WWOX: variants seen among roughly 807,000 people sequenced by gnomAD.
The protein encoded by WWOX is WW domain-containing oxidoreductase.
A neutral mutation model predicts 46.2 loss-of-function variants in WWOX; 69 were observed. That is an observed-to-expected ratio of 1.49 (90% CI 1.23 to 1.82). The LOEUF is 1.82. WWOX is among the 40% of genes most tolerant of loss of function. The pLI is 0.00. For missense variants in WWOX, 919 were observed against 542.6 expected, an observed-to-expected ratio of 1.69 and a Z score of -6.89; for synonymous variants, 359 against 202.6, an observed-to-expected ratio of 1.77 and a Z score of -6.56.
chr16:78,289,127 C>T (rs1221864167), intron 5 of WWOX, among the ~76,000 whole-genome samples: 3 of 152,136 alleles, frequency 2.0e-5, no homozygotes, highest in South Asian at 2.1e-4. Flanking sequence ...GAACCTGGAG[C>T]GCTGGGAGGT....
intron 5 of WWOX, among the ~76,000 whole-genome samples, chr16:78,367,945 C>T (rs1002259305): frequency 7.9e-5 from 12 of 152,020 alleles, no homozygotes; most frequent in Middle Eastern, 6.8e-3. Flanking sequence ...TTAGTGGAGA[C>T]GGGATTTCAC....
rs551714506 is a variant in WWOX, at chr16:78,662,505, C to T, written c.1056+229753C>T. ...AGCACCTACCATGTAGGTGCTCATC[C>T]CGATACCACTATCAGGCCCTTTGGA... is the stretch of plus-strand genomic sequence containing the variant. On this transcript the variant is annotated intron_variant, in intron 8 of 8. Coordinates refer to ENST00000566780, the MANE Select transcript of WWOX (RefSeq NM_016373.4). Among the ~76,000 whole-genome samples, 5 of 152,206 alleles carry T rather than the reference C, an allele frequency of 3.3e-5. No individual in the cohort carries two copies. In the South Asian group the frequency reaches 6.2e-4, roughly 19 times the overall value.
intron 4 of WWOX, among the ~76,000 whole-genome samples, chr16:78,147,703 A>T (rs1242314555): frequency 9.4e-6 from 1 of 106,158 alleles, no homozygotes; most frequent in African/African-American, 3.5e-5. Context: ...TTTTAAAAAA[A>T]AAAAAGGTGC....
At chr16:78,993,760 C>T (rs2046934718) in intron 8 of WWOX, among the ~76,000 whole-genome samples, 2 of 152,204 alleles carry the variant, frequency 1.3e-5, no homozygotes, top group South Asian at 4.1e-4. Context: ...ACTCGCCAGA[C>T]TCCATGGCCT....
chr16:78,411,761 A>C (rs950119116), intron 6 of WWOX, among the ~76,000 whole-genome samples: 1 of 152,146 alleles, frequency 6.6e-6, no homozygotes, highest in African/African-American at 2.4e-5. Context: ...CAGTGACTAC[A>C]CCTAAAAGGA....
chr16:79,072,884 G>A (rs1466845987), intron 8 of WWOX, among the ~76,000 whole-genome samples: 5 of 152,044 alleles, frequency 3.3e-5, no homozygotes, highest in African/African-American at 1.2e-4. Context: ...CCTGAATTTG[G>A]GCTGAGATGA....
chr16:79,187,233 G>C (rs565801929), intron 8 of WWOX, among the ~76,000 whole-genome samples: 2 of 152,140 alleles, frequency 1.3e-5, no homozygotes, highest in African/African-American at 4.8e-5. Context: ...GTTAATATCA[G>C]CACTTATCAC....
At chr16:78,422,266 T>C (rs1234288689) in intron 6 of WWOX, among the ~76,000 whole-genome samples, 1 of 152,172 alleles carries the variant, frequency 6.6e-6, no homozygotes, top group Non-Finnish European at 1.5e-5. Context: ...AAGATTTTAA[T>C]TTCTATAAAG....
At chr16:78,416,273 A>G (rs2082795733) in intron 6 of WWOX, among the ~76,000 whole-genome samples, 1 of 152,208 alleles carries the variant, frequency 6.6e-6, no homozygotes, top group Non-Finnish European at 1.5e-5. Flanking sequence ...TTTAGTCAAA[A>G]CTGAGCGCAA....
chr16:78,560,687 G>A (rs2044414700), intron 8 of WWOX, among the ~76,000 whole-genome samples: 2 of 152,076 alleles, frequency 1.3e-5, no homozygotes, highest in African/African-American at 4.8e-5. Flanking sequence ...AATAATGTTA[G>A]TGATACATAT....
At chr16:78,921,796 C>T (rs2045385604) in intron 8 of WWOX, among the ~76,000 whole-genome samples, 1 of 152,218 alleles carries the variant, frequency 6.6e-6, no homozygotes, top group Non-Finnish European at 1.5e-5. Context: ...ATTGTCCTTA[C>T]TCTGACACCC....
Position 79,019,344 on chromosome 16 carries a change from A to G in WWOX, c.1057-192264A>G, listed in dbSNP as rs1404662678. 2.0e-5 allele frequency among the ~76,000 whole-genome samples: 3 copies of G among 152,176 alleles called. No individual in the cohort carries two copies. The East Asian group carries it at 5.8e-4, about 29-fold the overall frequency. On this transcript the variant is annotated intron_variant, in intron 8 of 8. Transcript: ENST00000566780. ...GGTGCCGTCTACTACACACACACTT[A>G]GGCTGTATGGTCTAGCCTCTTGGTC...
chr16:78,723,965 C>T (rs1321653910), intron 8 of WWOX, among the ~76,000 whole-genome samples: 8 of 152,154 alleles, frequency 5.3e-5, no homozygotes, highest in Admixed American at 4.6e-4. Context: ...CATCCATCCC[C>T]CCATGGCCTC....
intron 8 of WWOX, among the ~76,000 whole-genome samples, chr16:78,457,376 G>A (rs1384255324): frequency 2.0e-5 from 3 of 152,186 alleles, no homozygotes. Context: ...ACTAAGTACA[G>A]GTCTTTAGAT....
At chr16:78,321,434 A>T (rs1453794820) in intron 5 of WWOX, among the ~76,000 whole-genome samples, 2 of 121,634 alleles carry the variant, frequency 1.6e-5, no homozygotes, top group African/African-American at 3.2e-5. Flanking sequence ...ATATATATAT[A>T]AAAATATATT....
At chr16:79,055,647 T>C (rs1411064867) in intron 8 of WWOX, among the ~76,000 whole-genome samples, 1 of 152,224 alleles carries the variant, frequency 6.6e-6, no homozygotes, top group African/African-American at 2.4e-5. Flanking sequence ...TAAAGGTGTA[T>C]GTTTGGGGTT....
chr16:78,622,188 C>T (rs1242982064), intron 8 of WWOX, among the ~76,000 whole-genome samples: 4 of 152,092 alleles, frequency 2.6e-5, no homozygotes, highest in Admixed American at 2.6e-4. Flanking sequence ...CTCCATTCTT[C>T]TCTCCTGCAC....
chr16:78,710,759 T>A (rs1597476145), intron 8 of WWOX, among the ~76,000 whole-genome samples: 1 of 150,858 alleles, frequency 6.6e-6, no homozygotes, highest in Admixed American at 6.6e-5. Flanking sequence ...GGACCGCAGG[T>A]TCATGCTACC....
intron 8 of WWOX, among the ~76,000 whole-genome samples, chr16:78,738,849 G>A (rs1567527359): frequency 6.6e-6 from 1 of 152,184 alleles, no homozygotes; most frequent in Non-Finnish European, 1.5e-5. Flanking sequence ...GAGGTAGATA[G>A]AGATTGTCCC....
Sources: gnomAD v4.1 joint callset for allele counts (sites outside exome capture counted in the v4.1 genomes callset) on GRCh38, gnomAD v4.1.1 for gene constraint, MANE v1.5 for transcripts, NCBI Gene and HGNC (gene_info 2026-07-23, HGNC 2026-07-21) for gene names.